Variants in KLHL8 observed in about 807,000 individuals in gnomAD.
The protein encoded by KLHL8 is kelch like family member 8, also known as kelch-like protein 8.
In KLHL8, 38 loss-of-function variants were observed where a neutral mutation model predicts 63.5. The observed-to-expected ratio is 0.60, with a 90% confidence interval of 0.46 to 0.78. KLHL8 has a LOEUF of 0.78. Among genes scored for constraint, KLHL8 ranks in the 30% least tolerant of loss-of-function variants. The pLI is 0.00. For synonymous variants in KLHL8, 224 were observed against 254.3 expected, an observed-to-expected ratio of 0.88 and a Z score of 1.13; for missense variants, 566 against 752.4, an observed-to-expected ratio of 0.75 and a Z score of 2.90.
chr4:87,202,013 A>G (rs1415085782), intron 1 of KLHL8, among the ~76,000 whole-genome samples: 1 of 151,972 alleles, frequency 6.6e-6, no homozygotes, highest in African/African-American at 2.4e-5. Context: ...AGGCTGAGGC[A>G]GGAGAATGGT....
At chr4:87,227,563 T>A (rs1483031160) in intron 1 of KLHL8, among the ~76,000 whole-genome samples, 1 of 152,130 alleles carries the variant, frequency 6.6e-6, no homozygotes, top group African/African-American at 2.4e-5. Flanking sequence ...GGTGGGAGGA[T>A]CCCTTGAGCC....
At chr4:87,169,994 A>T (rs1730574525) in intron 8 of KLHL8, 85 bp downstream of exon 8, 6 of 1,060,256 alleles carry the variant, frequency 5.7e-6, no homozygotes, top group Non-Finnish European at 8.4e-6. Context: ...ACTTAAGGCT[A>T]AATGCAATGT....
chr4:87,218,085 T>C (rs1312191055), intron 1 of KLHL8, among the ~76,000 whole-genome samples: 3 of 152,178 alleles, frequency 2.0e-5, no homozygotes, highest in Non-Finnish European at 4.4e-5. Context: ...TCAATTGTAA[T>C]ATACGTACCA....
chr4:87,202,676 T>C (rs1200535488), intron 1 of KLHL8, among the ~76,000 whole-genome samples: 1 of 152,106 alleles, frequency 6.6e-6, no homozygotes, highest in Non-Finnish European at 1.5e-5. Flanking sequence ...TTAAATTAAA[T>C]CACGGTTTGA....
chr4:87,198,411 C>T (rs574299820), intron 1 of KLHL8, among the ~76,000 whole-genome samples: 2 of 152,298 alleles, frequency 1.3e-5, no homozygotes, highest in South Asian at 4.1e-4. Context: ...TTGATTTAAA[C>T]TCAACAATAT....
intron 5 of KLHL8, 63 bp from the exon 6 acceptor site, chr4:87,176,931 CATAT>C (rs1419132347): frequency 2.7e-6 from 2 of 750,024 alleles, no homozygotes; most frequent in Non-Finnish European, 4.4e-6. Context: ...ATTAATGTTA[CATAT>C]ATAAACATTA....
At chr4:87,182,581 A>G (rs143122246) in intron 4 of KLHL8, among the ~76,000 whole-genome samples, 1 of 152,310 alleles carries the variant, frequency 6.6e-6, no homozygotes, top group Admixed American at 6.5e-5. Context: ...TTTATTAAAA[A>G]GTGATACTTC....
At chr4:87,188,737 A>C (rs1360313059) in intron 2 of KLHL8, among the ~76,000 whole-genome samples, 1 of 152,250 alleles carries the variant, frequency 6.6e-6, no homozygotes, top group African/African-American at 2.4e-5. Context: ...ATTACCAATT[A>C]CCAAAATCAT....
intron 1 of KLHL8, among the ~76,000 whole-genome samples, chr4:87,233,430 T>G (rs1733171958): frequency 6.6e-6 from 1 of 152,082 alleles, no homozygotes; most frequent in Non-Finnish European, 1.5e-5. Flanking sequence ...AAAAATTAGC[T>G]GGGCGTTGTG....
At chr4:87,233,135 G>T (rs4693808) in intron 1 of KLHL8, among the ~76,000 whole-genome samples, 29,708 of 151,874 alleles carry the variant, frequency 0.2, 3,480 homozygotes, top group Admixed American at 0.27. Flanking sequence ...CGCCTCCAGG[G>T]TTCAAGCAAT....
At position 87,175,355 on chromosome 4, in the gene KLHL8, T is replaced by C. The variant is rs868247620; in HGVS notation, c.1208+1402A>G. 2.6e-5 allele frequency among the ~76,000 whole-genome samples: 4 copies of C among 152,326 alleles called. No homozygotes were observed. The South Asian group carries it at 8.3e-4, about 32-fold the overall frequency. On this transcript the variant is annotated intron_variant, in intron 6 of 9. Coordinates refer to ENST00000273963, the MANE Select transcript of KLHL8 (RefSeq NM_020803.5). Reference sequence around the variant, plus strand: ...TCTTTTAATGTAGGCAACTGTATTATATTCACTTTTTTCCTTTCCTTTTTT... The same window carrying C: ...TCTTTTAATGTAGGCAACTGTATTACATTCACTTTTTTCCTTTCCTTTTTT...
intron 1 of KLHL8, among the ~76,000 whole-genome samples, chr4:87,211,782 T>C (rs1180514934): frequency 6.6e-6 from 1 of 152,082 alleles, no homozygotes; most frequent in Non-Finnish European, 1.5e-5. Context: ...TCAACACTGA[T>C]AGGAGACCCA....
chr4:87,164,855 A>C (rs1730312283), intron 8 of KLHL8, among the ~76,000 whole-genome samples: 1 of 152,136 alleles, frequency 6.6e-6, no homozygotes, highest in Non-Finnish European at 1.5e-5. Context: ...TCTATATAAA[A>C]ACAAGGTCAG....
upstream of KLHL8, among the ~76,000 whole-genome samples, chr4:87,222,055 T>A (rs1732879108): frequency 6.6e-6 from 1 of 152,158 alleles, no homozygotes; most frequent in Admixed American, 6.5e-5. Flanking sequence ...TGCCTCTCAA[T>A]TCTTTGTCTC....
chr4:87,170,751 TC>T, intron 6 of KLHL8, 136 bp from the exon 7 acceptor site: 2 of 802,372 alleles, frequency 2.5e-6, no homozygotes, highest in Non-Finnish European at 3.9e-6. Flanking sequence ...TATTTTTAGA[TC>T]TATCAAAGCT....
In KLHL8 at chr4:87,162,990, A is replaced by G. The variant is rs1025376349; in HGVS notation, c.*529T>C. Reference sequence around the variant, plus strand: ...CATTTTTTCTACTTCCGTAAATATAAAAGAAATTGAAAAATCACCACCTAG... The same window carrying G: ...CATTTTTTCTACTTCCGTAAATATAGAAGAAATTGAAAAATCACCACCTAG... On this transcript the variant is annotated 3_prime_UTR_variant, in exon 10 of 10. Coordinates refer to ENST00000273963, the MANE Select transcript of KLHL8 (RefSeq NM_020803.5). The G allele has an allele frequency of 1.3e-5, 2 of 152,160 alleles. No individual in the cohort carries two copies. Among genetic ancestry groups the G allele is most frequent in the African/African-American group, 4.8e-5 (2 of 41,430 alleles). The allele number at this position is 152,160 out of a possible 1,614,324, so 9.4% of individuals were successfully genotyped here. A position where few individuals can be genotyped will look rare whatever the true frequency, so the allele number is the denominator to read the frequency against.
At chr4:87,166,018 A>T (rs1362172425) in intron 8 of KLHL8, among the ~76,000 whole-genome samples, 1 of 152,252 alleles carries the variant, frequency 6.6e-6, no homozygotes, top group Non-Finnish European at 1.5e-5. Context: ...TCCTGTCGAC[A>T]TATAACACAT....
At chr4:87,223,257 AGC>A (rs1415364091), upstream of KLHL8, among the ~76,000 whole-genome samples, 1 of 152,082 alleles carries the variant, frequency 6.6e-6, no homozygotes, top group Admixed American at 6.6e-5. Flanking sequence ...TACAGGTGTA[AGC>A]CACCATTCCT....
intron 8 of KLHL8, chr4:87,167,381 T>A: frequency 6.7e-6 from 3 of 447,392 alleles, no homozygotes; most frequent in Non-Finnish European, 1.3e-5. Context: ...GTTTTATTCA[T>A]CCTGGTCATG....
Sources: allele counts gnomAD v4.1 joint callset (sites outside exome capture counted in the v4.1 genomes callset), GRCh38; gene constraint gnomAD v4.1.1; transcripts MANE v1.5; gene names NCBI Gene and HGNC (gene_info 2026-07-23, HGNC 2026-07-21).